PRKCE: variants seen among roughly 807,000 people sequenced by gnomAD.
The protein encoded by PRKCE is protein kinase C epsilon, also known as protein kinase C epsilon type.
Under a neutral mutation model 85.4 loss-of-function variants are expected in PRKCE, and 16 were observed. That is an observed-to-expected ratio of 0.19 (90% CI 0.13 to 0.28). PRKCE has a LOEUF of 0.28. PRKCE is among the 10% of genes least tolerant of loss of function. The probability of loss-of-function intolerance (pLI) is 1.00; values close to 1 mark genes in which losing one functional copy is unlikely to be tolerated. For missense variants in PRKCE, 573 were observed against 975.2 expected (o/e 0.59, Z 5.49); for synonymous variants, 388 against 371.5 (o/e 1.04, Z -0.51).
At chr2:46,163,245 C>T (rs1337339723) in intron 14 of PRKCE, among the ~76,000 whole-genome samples, 1 of 152,090 alleles carries the variant, frequency 6.6e-6, no homozygotes, top group Non-Finnish European at 1.5e-5. Flanking sequence ...AGGGGCACCC[C>T]ACAGAGGGCA....
intron 1 of PRKCE, among the ~76,000 whole-genome samples, chr2:45,837,356 A>T: frequency 6.6e-6 from 1 of 152,246 alleles, no homozygotes; most frequent in East Asian, 1.9e-4. Context: ...TCCCAGGTTC[A>T]AGCGATTCTC....
At chr2:46,056,510 T>C (rs987182875) in intron 10 of PRKCE, among the ~76,000 whole-genome samples, 3 of 152,238 alleles carry the variant, frequency 2.0e-5, no homozygotes, top group Non-Finnish European at 2.9e-5. Context: ...CCAAATCCTT[T>C]CATCTTTTCT....
At chr2:45,876,476 G>A (rs1273876496) in intron 2 of PRKCE, among the ~76,000 whole-genome samples, 3 of 152,144 alleles carry the variant, frequency 2.0e-5, no homozygotes, top group African/African-American at 7.2e-5. Context: ...GCAACTTGTG[G>A]TCATACACGT....
At chr2:45,827,913 G>T (rs543050587) in intron 1 of PRKCE, among the ~76,000 whole-genome samples, 1 of 152,178 alleles carries the variant, frequency 6.6e-6, no homozygotes, top group East Asian at 1.9e-4. Flanking sequence ...CTTATGCTTC[G>T]TTTCCTTAGA....
At chr2:45,744,413 T>TTTTCTTTCTTTCTTTC (rs1164620024) in intron 1 of PRKCE, among the ~76,000 whole-genome samples, 3 of 117,614 alleles carry the variant, frequency 2.6e-5, no homozygotes, top group Admixed American at 8.9e-5. Context: ...CTTTCTTTTC[T>TTTTCTTTCTTTCTTTC]TTTCTTTCTT....
Position 45,971,650 on chromosome 2 carries a change from G to T in PRKCE, c.413-4779G>T, listed in dbSNP as rs187815049. ...GAATTATGGTTTTTCAATGTTTGTT[G>T]TATCATCTTTTTAAAAAGAGCAATA... On this transcript the variant is annotated intron_variant, in intron 2 of 14. Transcript: ENST00000306156. Among the ~76,000 whole-genome samples, 100 of 152,276 alleles carry T rather than the reference G, an allele frequency of 6.6e-4. 1 individual carries two copies. The highest frequency in any genetic ancestry group is 2.3e-3 in the African/African-American group (96 of 41,572).
intron 12 of PRKCE, among the ~76,000 whole-genome samples, chr2:46,147,412 T>A (rs563305362): frequency 6.6e-6 from 1 of 152,314 alleles, no homozygotes; most frequent in East Asian, 1.9e-4. Flanking sequence ...CAGCCCATGT[T>A]ATAGTTAAGG....
In PRKCE at chr2:45,895,120, G is replaced by A. The variant is rs568329890; in HGVS notation, c.412+52057G>A. 6.0e-4 allele frequency among the ~76,000 whole-genome samples: 91 copies of A among 152,284 alleles called. No homozygotes were observed. The highest frequency in any genetic ancestry group is 1.2e-3 in the Non-Finnish European group (80 of 68,026). On this transcript the variant is annotated intron_variant, in intron 2 of 14. Coordinates refer to ENST00000306156, the MANE Select transcript of PRKCE (RefSeq NM_005400.3). The surrounding 1 kb of genome is among the most constrained non-coding windows in gnomAD (Gnocchi z 4.8). The stretch of plus-strand genomic sequence containing the variant: ...GCATTAGTTGTGAGCATTTGGCCAC[G>A]TGGTAGGGAGAATGAAAAGGCGCCC...
chr2:45,931,859 G>T (rs1206478899), intron 2 of PRKCE, among the ~76,000 whole-genome samples: 2 of 151,964 alleles, frequency 1.3e-5, no homozygotes, highest in African/African-American at 4.8e-5. Context: ...GGCACCTGCT[G>T]CCACACTCAG....
intron 3 of PRKCE, chr2:45,978,646 C>G (rs1702645745): frequency 3.8e-6 from 1 of 264,156 alleles, no homozygotes; most frequent in Admixed American, 5.0e-5. Context: ...GAAAGGTATG[C>G]TTCACTGCTC....
rs1451477820 is a variant in PRKCE at position 45,924,760 on chromosome 2, A to G, written c.413-51669A>G. ...TGAGAAAAAATATGTCTTTTCGTCT[A>G]TACTTAGTGGCAGCAAAGAGTTGCA... On this transcript the variant is annotated intron_variant, in intron 2 of 14. Coordinates refer to ENST00000306156, the MANE Select transcript of PRKCE (RefSeq NM_005400.3). 2.0e-5 allele frequency among the ~76,000 whole-genome samples: 3 copies of G among 152,260 alleles called. No individual in the cohort carries two copies. The East Asian group carries it at 5.8e-4, about 29-fold the overall frequency.
At chr2:45,945,769 C>T (rs572857653) in intron 2 of PRKCE, among the ~76,000 whole-genome samples, 55 of 152,352 alleles carry the variant, frequency 3.6e-4, no homozygotes, top group African/African-American at 1.3e-3. Context: ...GATTAGAACA[C>T]AGGCATCTGG....
At chr2:45,841,799 A>G (rs1691375106) in intron 1 of PRKCE, among the ~76,000 whole-genome samples, 1 of 152,242 alleles carries the variant, frequency 6.6e-6, no homozygotes, top group African/African-American at 2.4e-5. Flanking sequence ...AGAGGAGGTG[A>G]TAATTGACCT....
chr2:45,850,626 T>C (rs572918245), intron 2 of PRKCE, among the ~76,000 whole-genome samples: 1 of 152,358 alleles, frequency 6.6e-6, no homozygotes, highest in African/African-American at 2.4e-5. Context: ...ACAGTTTTAT[T>C]GATTTTCCTT....
chr2:46,099,193 A>G (rs1166502924), intron 11 of PRKCE, among the ~76,000 whole-genome samples: 1 of 152,056 alleles, frequency 6.6e-6, no homozygotes, highest in African/African-American at 2.4e-5. Flanking sequence ...CTCTTCTGCC[A>G]CTTACTCAAA....
intron 9 of PRKCE, 25 bp downstream of exon 9, chr2:46,007,686 T>C (rs907161318): frequency 1.9e-6 from 3 of 1,594,986 alleles, no homozygotes; most frequent in Admixed American, 1.7e-5. Context: ...CGGGTGGAAC[T>C]GCTGGTTTTG....
At chr2:45,954,667 A>G (rs1700850692) in intron 2 of PRKCE, among the ~76,000 whole-genome samples, 1 of 152,234 alleles carries the variant, frequency 6.6e-6, no homozygotes, top group South Asian at 2.1e-4. Flanking sequence ...AAGGGGGAGA[A>G]CCTCATTTCA....
rs1355553624 is a variant in PRKCE, at chr2:46,001,371, A to T, written c.824-33A>T. The T allele has an allele frequency of 1.3e-6, 2 of 1,582,650 alleles. No individual in the cohort carries two copies. The highest frequency in any genetic ancestry group is 1.3e-5 in the African/African-American group (1 of 74,556). On this transcript the variant is annotated intron_variant, in intron 6 of 14. Transcript: ENST00000306156. The surrounding 1 kb of genome is among the most constrained non-coding windows in gnomAD (Gnocchi z 4.4). ...AGAAGCAACATCTTAGGCCATGAACACTTATCTGTCTTTTCTCCATGTCTC... is the reference window on the plus strand; with the variant it reads ...AGAAGCAACATCTTAGGCCATGAACTCTTATCTGTCTTTTCTCCATGTCTC...
intron 1 of PRKCE, among the ~76,000 whole-genome samples, chr2:45,831,170 G>C (rs1305973868): frequency 1.3e-5 from 2 of 152,228 alleles, no homozygotes; most frequent in African/African-American, 4.8e-5. Flanking sequence ...ATTTGAATTA[G>C]ATGCTAGGTA....
Sources: allele counts gnomAD v4.1 joint callset (sites outside exome capture counted in the v4.1 genomes callset), GRCh38; gene constraint gnomAD v4.1.1; non-coding constraint Gnocchi (gnomAD v3.1); transcripts MANE v1.5; gene names NCBI Gene and HGNC (gene_info 2026-07-23, HGNC 2026-07-21).